Variants in DNAH17 observed in about 807,000 individuals in gnomAD.
DNAH17 encodes axonemal beta dynein heavy chain 17.
In DNAH17, 376 loss-of-function variants were observed where a neutral mutation model predicts 485.6. The ratio of observed to expected loss-of-function variants is 0.77; its 90% CI spans 0.71 to 0.84. The LOEUF is 0.84. Ranked by LOEUF, DNAH17 falls within the 40% of genes least tolerant of loss-of-function variation. The pLI, the probability that DNAH17 is intolerant of heterozygous loss-of-function variation, is 0.00. For missense variants in DNAH17, 6,370 were observed against 5,839.3 expected (o/e 1.09, Z -2.96); for synonymous variants, 3,031 against 2,405.9 (o/e 1.26, Z -7.60).
At chr17:78,546,256 A>T (rs1280239892) in intron 16 of DNAH17, among the ~76,000 whole-genome samples, 2 of 152,238 alleles carry the variant, frequency 1.3e-5, no homozygotes, top group Non-Finnish European at 2.9e-5. Flanking sequence ...AAGGTCAAAA[A>T]TGGTCAATTA....
intron 51 of DNAH17, among the ~76,000 whole-genome samples, chr17:78,477,978 TCATCACCAC>T (rs1568117181): frequency 2.5e-5 from 3 of 118,006 alleles, no homozygotes; most frequent in Admixed American, 8.4e-5. Flanking sequence ...ACCACCATCA[TCATCACCAC>T]CATCACCACC....
chr17:78,506,619 A>G, intron 30 of DNAH17, 101 bp downstream of exon 30: 1 of 1,549,010 alleles, frequency 6.5e-7, no homozygotes, highest in Non-Finnish European at 8.8e-7. Context: ...GGGCACGTCC[A>G]AGGACACTTA....
chr17:78,449,665 T>A, intron 68 of DNAH17, 81 bp from the exon 69 acceptor site: 1 of 1,361,454 alleles, frequency 7.3e-7, no homozygotes, highest in Non-Finnish European at 1.0e-6. Flanking sequence ...CCCTGCCACC[T>A]GTGGTGGCCT....
chr17:78,544,619 G>A lies in DNAH17; in HGVS notation c.2392-622C>T, dbSNP rs374876281. ...AGATCGAGACCATCCTGGCTAACAC[G>A]GTGAAACCCTGTCTCTACTAAAAAT... On this transcript the variant is annotated intron_variant, in intron 16 of 80. Transcript: ENST00000389840. 2.0e-4 allele frequency among the ~76,000 whole-genome samples: 30 copies of A among 151,906 alleles called. 1 individual carries two copies. The highest frequency in any genetic ancestry group is 2.4e-4 in the Non-Finnish European group (16 of 67,960).
intron 19 of DNAH17, among the ~76,000 whole-genome samples, chr17:78,535,912 CTT>C (rs2091361381): frequency 6.6e-6 from 1 of 152,150 alleles, no homozygotes; most frequent in African/African-American, 2.4e-5. Flanking sequence ...TCACTTAAGT[CTT>C]TTCAGATTTT....
chr17:78,470,473 T>C (rs2088697568), intron 54 of DNAH17, among the ~76,000 whole-genome samples: 1 of 151,782 alleles, frequency 6.6e-6, no homozygotes, highest in Non-Finnish European at 1.5e-5. Context: ...GTGGATCACC[T>C]GAGGTTAGGA....
intron 69 of DNAH17, among the ~76,000 whole-genome samples, chr17:78,447,506 G>A (rs1568063595): frequency 6.6e-6 from 1 of 152,206 alleles, no homozygotes; most frequent in Non-Finnish European, 1.5e-5. Flanking sequence ...AATGGCCACT[G>A]CCATCTCCTC....
At chr17:78,563,705 G>A (rs1490493103) in intron 11 of DNAH17, among the ~76,000 whole-genome samples, 5 of 152,076 alleles carry the variant, frequency 3.3e-5, no homozygotes, top group African/African-American at 4.8e-5. Context: ...GCTCTAGAAC[G>A]TTCCTGGCTG....
In DNAH17 at chr17:78,494,258, G is replaced by A. The variant is rs141430224; in HGVS notation, c.6271-85C>T. The A allele has an allele frequency of 7.3e-3, 11,115 of 1,521,340 alleles. 56 individuals are homozygous for A. The highest frequency in any genetic ancestry group is 0.011 in the Middle Eastern group (65 of 5,678). 94.2% of individuals were successfully genotyped at this position (1,521,340 alleles called of 1,614,324 possible). On this transcript the variant is annotated intron_variant, in intron 40 of 80. Coordinates refer to ENST00000389840, the MANE Select transcript of DNAH17 (RefSeq NM_173628.4). ...GGGAGGCTGGGGGGCTTCCTGCCCC[G>A]TGGGGGAGATGATAAAGGCGCCCTT...
At chr17:78,452,011 A>G (rs1323549417) in intron 65 of DNAH17, among the ~76,000 whole-genome samples, 1 of 151,670 alleles carries the variant, frequency 6.6e-6, no homozygotes, top group Non-Finnish European at 1.5e-5. Flanking sequence ...ACATTCGTCC[A>G]TTCTGGAAGC....
chr17:78,458,357 G>A (rs1172758396), intron 62 of DNAH17: 5 of 581,684 alleles, frequency 8.6e-6, no homozygotes, highest in Middle Eastern at 4.6e-4. Context: ...GGGTTACTTG[G>A]AACCACGCGA....
At position 78,424,344 on chromosome 17, in the gene DNAH17, G is replaced by A. The variant is rs181135700; in HGVS notation, c.13142-191C>T. On this transcript the variant is annotated intron_variant, in intron 80 of 80. Transcript: ENST00000389840. The stretch of plus-strand genomic sequence containing the variant: ...ATGGCCTGCATGTTGTAACTACCCC[G>A]TCCCGCTGGGCTCAAGGAACAGCTC... 102 of 634,308 alleles carry A rather than the reference G, an allele frequency of 1.6e-4. 1 individual carries two copies. In the Admixed American group the frequency reaches 2.4e-3, roughly 15 times the overall value. 39.3% of individuals were successfully genotyped at this position (634,308 alleles called of 1,614,324 possible).
At chr17:78,537,873 T>A (rs996198433) in intron 18 of DNAH17, among the ~76,000 whole-genome samples, 1 of 152,132 alleles carries the variant, frequency 6.6e-6, no homozygotes, top group African/African-American at 2.4e-5. Context: ...GCGCAGTGGC[T>A]CATGCCTGTA....
intron 11 of DNAH17, among the ~76,000 whole-genome samples, 171 bp from the exon 12 acceptor site, chr17:78,562,151 C>T (rs771446485): frequency 6.6e-6 from 1 of 152,204 alleles, no homozygotes; most frequent in Non-Finnish European, 1.5e-5. Context: ...TCAGTGGAAG[C>T]CTCTATGCTT....
chr17:78,532,272 G>C (rs370908894), intron 20 of DNAH17, among the ~76,000 whole-genome samples: 1 of 152,098 alleles, frequency 6.6e-6, no homozygotes, highest in Non-Finnish European at 1.5e-5. Flanking sequence ...ATGCTACCCC[G>C]TGCAGGCCTG....
At chr17:78,455,600 T>C (rs2087758924) in intron 63 of DNAH17, 44 bp downstream of exon 63, 1 of 1,439,598 alleles carries the variant, frequency 6.9e-7, no homozygotes, top group East Asian at 2.8e-5. Context: ...GTGCTGGCAT[T>C]ACAGGCGTGA....
intron 16 of DNAH17, among the ~76,000 whole-genome samples, chr17:78,546,607 T>C (rs2091770449): frequency 6.6e-6 from 1 of 152,204 alleles, no homozygotes; most frequent in South Asian, 2.1e-4. Flanking sequence ...TTCTCTAATT[T>C]TGGAAATAAA....
chr17:78,572,662 C>T, intron 3 of DNAH17, 39 bp downstream of exon 3: 1 of 1,539,886 alleles, frequency 6.5e-7, no homozygotes, highest in Non-Finnish European at 8.8e-7. Flanking sequence ...GTGCCTCTTC[C>T]CCACCCAGCG....
intron 33 of DNAH17, chr17:78,502,123 G>A: frequency 1.9e-6 from 1 of 525,194 alleles, no homozygotes; most frequent in Non-Finnish European, 3.4e-6. Flanking sequence ...GAGGGTGGAT[G>A]AGAAGCAAAA....
Sources: allele counts gnomAD v4.1 joint callset (sites outside exome capture counted in the v4.1 genomes callset), GRCh38; gene constraint gnomAD v4.1.1; transcripts MANE v1.5; gene names NCBI Gene and HGNC (gene_info 2026-07-23, HGNC 2026-07-21).